RASA3: variants seen among roughly 807,000 people sequenced by gnomAD.
The protein encoded by RASA3 is ras GTPase-activating protein 3.
In RASA3, 73 loss-of-function variants were observed where a neutral mutation model predicts 110.0. The ratio of observed to expected loss-of-function variants is 0.66; its 90% confidence interval spans 0.55 to 0.81. The LOEUF is 0.81. RASA3 is among the 30% of genes least tolerant of loss of function. The probability of loss-of-function intolerance (pLI) is 0.00; values close to 1 mark genes in which losing one functional copy is unlikely to be tolerated. For synonymous variants in RASA3, 500 were observed against 451.4 expected (o/e 1.11, Z -1.37); for missense variants, 976 against 1,113.2 (o/e 0.88, Z 1.75).
chr13:114,124,923 G>C (rs189176943), intron 1 of RASA3, among the ~76,000 whole-genome samples: 2 of 151,910 alleles, frequency 1.3e-5, no homozygotes, highest in Non-Finnish European at 2.9e-5. Context: ...ATGCATAATA[G>C]ACATATACTT....
rs934841295 is a variant in RASA3 at position 113,979,188 on chromosome 13, C to T, written c.*159G>A. 14 of 669,760 alleles carry T rather than the reference C, an allele frequency of 2.1e-5. No homozygotes were observed. The highest frequency in any genetic ancestry group is 9.0e-5 in the African/African-American group (5 of 55,764). The allele number at this position is 669,760 out of a possible 1,614,324, so 41.5% of individuals were successfully genotyped here. A position where few individuals can be genotyped will look rare whatever the true frequency, so the allele number is the denominator to read the frequency against. On this transcript the variant is annotated 3_prime_UTR_variant, in exon 24 of 24. Coordinates refer to ENST00000334062, the MANE Select transcript of RASA3 (RefSeq NM_007368.4). ...GCGGAGGGCGTGGCGGTGGTGGCAGCGGTTCTGGGAGAGGGAAACCCCAGC... is the reference window on the plus strand; with the variant it reads ...GCGGAGGGCGTGGCGGTGGTGGCAGTGGTTCTGGGAGAGGGAAACCCCAGC...
intron 18 of RASA3, among the ~76,000 whole-genome samples, chr13:114,004,758 A>G (rs1020704612): frequency 3.9e-5 from 6 of 152,234 alleles, no homozygotes; most frequent in African/African-American, 1.4e-4. Context: ...CTGCCATTCG[A>G]TCCAGCAATC....
At chr13:114,061,397 A>G (rs1272444565) in intron 2 of RASA3, among the ~76,000 whole-genome samples, 1 of 152,094 alleles carries the variant, frequency 6.6e-6, no homozygotes, top group African/African-American at 2.4e-5. Context: ...ACGGCTCTTT[A>G]AGGGTGATGG....
intron 4 of RASA3, among the ~76,000 whole-genome samples, chr13:114,040,657 C>T (rs1410142608): frequency 6.9e-6 from 1 of 145,948 alleles, no homozygotes; most frequent in Non-Finnish European, 1.5e-5. Context: ...GCAGAGCCTG[C>T]GCTCACTCCG....
Position 113,999,605 on chromosome 13 carries a change from C to T in RASA3, c.1912G>A (p.Glu638Lys). The T allele has an allele frequency of 1.2e-6, 2 of 1,613,248 alleles. No homozygotes were observed. The highest frequency in any genetic ancestry group is 1.7e-5 in the Admixed American group (1 of 59,966). The part of the protein sequence containing the change: ...NILAVEKLEE[E>K]SFKMKNMFQV... ...CTCACGTTTTTCATTTTGAAAGACTCCTCCTCCAGCTTCTCCACTGCCAGG... is the reference window on the plus strand; with the variant it reads ...CTCACGTTTTTCATTTTGAAAGACTTCTCCTCCAGCTTCTCCACTGCCAGG... The change falls in exon 20 of 24, where the codon GAG becomes AAG. Residue 638 changes from glutamate to lysine, a missense_variant. Around this residue, in one of 4 missense-constraint regions of RASA3, gnomAD observed 109 missense variants for 162.5 expected, o/e 0.67. Coordinates refer to ENST00000334062, the MANE Select transcript of RASA3 (RefSeq NM_007368.4).
chr13:113,981,325 G>C (rs186492853), intron 23 of RASA3, among the ~76,000 whole-genome samples: 2 of 152,214 alleles, frequency 1.3e-5, no homozygotes, highest in Non-Finnish European at 2.9e-5. Flanking sequence ...AGATGCCAGA[G>C]GGTGTGCCAC....
At chr13:114,090,868 G>A (rs183387284) in intron 1 of RASA3, among the ~76,000 whole-genome samples, 68 of 152,272 alleles carry the variant, frequency 4.5e-4, no homozygotes, top group African/African-American at 1.6e-3. Context: ...AAAGTTTCAA[G>A]TAGAAGGTGG....
intron 14 of RASA3, among the ~76,000 whole-genome samples, chr13:114,013,740 GGCTCTCTCTC>G (rs2053707055): frequency 6.1e-5 from 1 of 16,298 alleles, no homozygotes; most frequent in Non-Finnish European, 1.0e-4. Context: ...GTCTGTCTCT[GGCTCTCTCTC>G]TCTCTCTCCA....
At chr13:114,083,162 A>G (rs531677938) in intron 1 of RASA3, among the ~76,000 whole-genome samples, 4 of 152,270 alleles carry the variant, frequency 2.6e-5, no homozygotes, top group Non-Finnish European at 5.9e-5. Flanking sequence ...CAATGTCACA[A>G]GCAACTTTGT....
At chr13:114,118,573 G>C (rs2080326266) in intron 1 of RASA3, among the ~76,000 whole-genome samples, 1 of 152,194 alleles carries the variant, frequency 6.6e-6, no homozygotes, top group Non-Finnish European at 1.5e-5. Flanking sequence ...ACAACTTTCT[G>C]ATTAGATGCA....
intron 1 of RASA3, among the ~76,000 whole-genome samples, chr13:114,090,188 G>A (rs1268709094): frequency 2.0e-5 from 3 of 152,204 alleles, no homozygotes; most frequent in Admixed American, 6.5e-5. Context: ...CACGGCAACA[G>A]GTTTAATTAC....
At chr13:114,100,747 G>A (rs564296917) in intron 1 of RASA3, among the ~76,000 whole-genome samples, 22 of 152,298 alleles carry the variant, frequency 1.4e-4, no homozygotes, top group South Asian at 4.1e-4. Flanking sequence ...ATGTCCAGCC[G>A]TTTGGGAACT....
chr13:114,060,585 T>A (rs1275931365), intron 2 of RASA3, among the ~76,000 whole-genome samples: 9 of 152,164 alleles, frequency 5.9e-5, no homozygotes, highest in Non-Finnish European at 1.3e-4. Flanking sequence ...CCAGAGGGGC[T>A]CCTGCAGGAG....
In RASA3 at chr13:114,112,197, C is replaced by T. The variant is rs1376215776; in HGVS notation, c.55+20238G>A. On this transcript the variant is annotated intron_variant, in intron 1 of 23. Transcript: ENST00000334062. This position sits in a 1 kb window ranked among gnomAD's most constrained non-coding sequence, Gnocchi z 4.8. ...AGAGAAGGAGAACAAAACCCTCAGC[C>T]AGGCTATTGTGAATGGGTGTTACCA... Among the ~76,000 whole-genome samples, 1 of 151,968 alleles carries T rather than the reference C, an allele frequency of 6.6e-6. No individual in the cohort carries two copies. Among genetic ancestry groups the T allele is most frequent in the Non-Finnish European group, 1.5e-5 (1 of 67,982 alleles).
At chr13:114,013,592 C>CCG in intron 14 of RASA3, among the ~76,000 whole-genome samples, 1 of 109,926 alleles carries the variant, frequency 9.1e-6, no homozygotes, top group African/African-American at 3.9e-5. Flanking sequence ...CTCTCTCTCT[C>CCG]TCCGTCTCTG....
chr13:114,106,665 G>A (rs1387227190), intron 1 of RASA3, among the ~76,000 whole-genome samples: 4 of 152,306 alleles, frequency 2.6e-5, no homozygotes, highest in East Asian at 3.9e-4. Flanking sequence ...GGCGTGGGGA[G>A]GGGTTGGGCT....
chr13:113,980,520 G>A (rs1323689457), intron 23 of RASA3, among the ~76,000 whole-genome samples: 21 of 150,880 alleles, frequency 1.4e-4, no homozygotes, highest in Non-Finnish European at 1.5e-5. Flanking sequence ...TGTGCCTCGT[G>A]TGCGCCTTCT....
At chr13:114,042,967 C>T (rs1191217507) in intron 3 of RASA3, among the ~76,000 whole-genome samples, 1 of 152,200 alleles carries the variant, frequency 6.6e-6, no homozygotes, top group African/African-American at 2.4e-5. Flanking sequence ...GCGTTCCTTC[C>T]TATGTTGGCG....
chr13:114,057,863 C>T lies in RASA3; in HGVS notation c.174-5708G>A, dbSNP rs1044089275. Among the ~76,000 whole-genome samples, 2 of 152,202 alleles carry T rather than the reference C, an allele frequency of 1.3e-5. No individual in the cohort carries two copies. Among genetic ancestry groups the T allele is most frequent in the South Asian group, 2.1e-4 (1 of 4,836 alleles). ...CAATGGCTTCCCTGGGGTGCGGGCT[C>T]GGCCTGCAGGATGGAGGCTGGAGAG... On this transcript the variant is annotated intron_variant, in intron 2 of 23. Coordinates refer to ENST00000334062, the MANE Select transcript of RASA3 (RefSeq NM_007368.4). This position sits in a 1 kb window ranked among gnomAD's most constrained non-coding sequence, Gnocchi z 5.0.
Sources: allele counts gnomAD v4.1 joint callset (sites outside exome capture counted in the v4.1 genomes callset), GRCh38; gene constraint gnomAD v4.1.1; regional missense constraint gnomAD v4.1.1; non-coding constraint Gnocchi (gnomAD v3.1); transcripts MANE v1.5; gene names NCBI Gene and HGNC (gene_info 2026-07-23, HGNC 2026-07-21).